The following MACROD2 variants were observed in gnomAD, a reference collection of about 807,000 sequenced individuals.
MACROD2 encodes mono-ADP ribosylhydrolase 2, also known as ADP-ribose glycohydrolase MACROD2.
In MACROD2, 36 loss-of-function variants were observed where a neutral mutation model predicts 70.4. The ratio of observed to expected loss-of-function variants is 0.51; its 90% confidence interval spans 0.39 to 0.68. MACROD2 has a LOEUF of 0.68. MACROD2 is among the 30% of genes least tolerant of loss of function. The probability of loss-of-function intolerance (pLI) is 0.00; values close to 1 mark genes in which losing one functional copy is unlikely to be tolerated. For missense variants in MACROD2, 496 were observed against 538.4 expected (o/e 0.92, Z 0.78); for synonymous variants, 172 against 178.8 (o/e 0.96, Z 0.30).
chr20:16,041,198 C>T lies in MACROD2; in HGVS notation c.1154-3C>T. On this transcript the variant is annotated splice_region_variant and splice_polypyrimidine_tract_variant and intron_variant, in intron 15 of 17. Transcript: ENST00000684519. ...CAGGGACTGTGGTCTTTTTCTCTTCCAGCTCCAGGCGAGGACACACCTAGG... is the reference window on the plus strand; with the variant it reads ...CAGGGACTGTGGTCTTTTTCTCTTCTAGCTCCAGGCGAGGACACACCTAGG... The T allele has an allele frequency of 6.2e-7, 1 of 1,610,388 alleles. No homozygotes were observed. The highest frequency in any genetic ancestry group is 8.5e-7 in the Non-Finnish European group (1 of 1,178,166).
At chr20:14,964,389 G>A (rs987612889) in intron 5 of MACROD2, among the ~76,000 whole-genome samples, 1 of 151,886 alleles carries the variant, frequency 6.6e-6, no homozygotes, top group Non-Finnish European at 1.5e-5. Flanking sequence ...TGGCTAACAC[G>A]GTGAAACCCC....
chr20:14,589,164 CTT>C (rs1981591115), intron 4 of MACROD2, among the ~76,000 whole-genome samples: 1 of 151,900 alleles, frequency 6.6e-6, no homozygotes, highest in South Asian at 2.1e-4. Flanking sequence ...GGATTTTTCT[CTT>C]GTTTTATGTA....
chr20:14,351,341 T>C (rs1398362381), intron 3 of MACROD2, among the ~76,000 whole-genome samples: 7 of 152,198 alleles, frequency 4.6e-5, no homozygotes, highest in East Asian at 1.9e-4. Context: ...CTGGGTGGTA[T>C]GGATATTTTA....
At chr20:14,414,240 T>C (rs34085437) in intron 3 of MACROD2, among the ~76,000 whole-genome samples, 23,326 of 152,144 alleles carry the variant, frequency 0.15, 2,504 homozygotes, top group Non-Finnish European at 0.23. Flanking sequence ...CCTGACCTGC[T>C]CCAAACCTGC....
chr20:15,080,675 G>A (rs750809222), intron 5 of MACROD2, among the ~76,000 whole-genome samples: 1 of 152,046 alleles, frequency 6.6e-6, no homozygotes, highest in Non-Finnish European at 1.5e-5. Flanking sequence ...CTGTGTTCCA[G>A]ACTCATTCAT....
intron 5 of MACROD2, among the ~76,000 whole-genome samples, chr20:14,887,875 A>C (rs1451361610): frequency 6.6e-6 from 1 of 152,038 alleles, no homozygotes; most frequent in African/African-American, 2.4e-5. Context: ...AAAAAAAAAA[A>C]AAACCTGTGT....
intron 5 of MACROD2, among the ~76,000 whole-genome samples, chr20:15,136,501 C>T (rs1248984578): frequency 6.6e-6 from 1 of 152,170 alleles, no homozygotes; most frequent in African/African-American, 2.4e-5. Flanking sequence ...GGAAAACTGG[C>T]TAGCCATATG....
intron 6 of MACROD2, among the ~76,000 whole-genome samples, chr20:15,354,016 T>C (rs375277736): frequency 1.4e-5 from 2 of 147,676 alleles, no homozygotes; most frequent in Non-Finnish European, 3.0e-5. Context: ...ACCCAAAGGA[T>C]TATAAAACAT....
intron 8 of MACROD2, among the ~76,000 whole-genome samples, chr20:15,827,551 C>T (rs2064010479): frequency 6.6e-6 from 1 of 152,106 alleles, no homozygotes; most frequent in South Asian, 2.1e-4. Context: ...GAAAAAAATG[C>T]TATGTTTACG....
chr20:15,026,803 C>T (rs756912443), intron 5 of MACROD2, among the ~76,000 whole-genome samples: 6 of 152,144 alleles, frequency 3.9e-5, no homozygotes, highest in Non-Finnish European at 4.4e-5. Context: ...GCATTCAGAG[C>T]CAAGCTCATC....
Position 14,009,983 on chromosome 20 carries a change from G to T in MACROD2, c.163+7579G>T, listed in dbSNP as rs534942262. ...CTGGGCCTGTCAGAAGGTAAGGATG[G>T]GAGGAGTGAGAGCATCAGGAAGAAT... On this transcript the variant is annotated intron_variant, in intron 2 of 17. Transcript: ENST00000684519. Among the ~76,000 whole-genome samples the T allele has an allele frequency of 4.0e-4, 61 of 152,250 alleles. No individual in the cohort carries two copies. The South Asian group carries it at 7.9e-3, about 20-fold the overall frequency.
At chr20:14,772,360 TG>T (rs1348631331) in intron 5 of MACROD2, among the ~76,000 whole-genome samples, 1 of 152,000 alleles carries the variant, frequency 6.6e-6, no homozygotes, top group African/African-American at 2.4e-5. Context: ...TACCCGAGAC[TG>T]GGAAGTTTAT....
Position 14,824,250 on chromosome 20 carries a change from G to A in MACROD2, c.418+139291G>A, listed in dbSNP as rs192881790. The stretch of plus-strand genomic sequence containing the variant: ...CTCAGAAAATACTTGGCTAGTCATG[G>A]TATTGCATACTGTAGCTTCTTTAAA... On this transcript the variant is annotated intron_variant, in intron 5 of 17. Coordinates refer to ENST00000684519, the MANE Select transcript of MACROD2 (RefSeq NM_001351661.2). Among the ~76,000 whole-genome samples, 179 of 152,180 alleles carry A rather than the reference G, an allele frequency of 1.2e-3. 2 individuals carry two copies. The highest frequency in any genetic ancestry group is 4.0e-3 in the African/African-American group (168 of 41,528).
chr20:14,829,266 A>T (rs151275150), intron 5 of MACROD2, among the ~76,000 whole-genome samples: 10,326 of 150,988 alleles, frequency 0.068, 498 homozygotes, highest in East Asian at 0.21. Context: ...AGTAGCTGGG[A>T]CTACAGGTGC....
chr20:14,052,151 T>A (rs2053575644), intron 2 of MACROD2: 1 of 300,626 alleles, frequency 3.3e-6, no homozygotes, highest in African/African-American at 2.2e-5. Flanking sequence ...AGTGGCCTTC[T>A]TTTCCAAGGG....
chr20:15,798,937 G>A (rs1421149259), intron 8 of MACROD2, among the ~76,000 whole-genome samples: 3 of 152,138 alleles, frequency 2.0e-5, no homozygotes, highest in Admixed American at 6.5e-5. Context: ...CTAGGTTTTC[G>A]GGGATAGAAT....
At chr20:15,592,806 G>A (rs1271381939) in intron 8 of MACROD2, among the ~76,000 whole-genome samples, 2 of 152,180 alleles carry the variant, frequency 1.3e-5, no homozygotes, top group African/African-American at 4.8e-5. Context: ...AATAACTGGA[G>A]AGTGGTGAAA....
At chr20:15,805,850 G>A (rs2063764852) in intron 8 of MACROD2, among the ~76,000 whole-genome samples, 1 of 152,212 alleles carries the variant, frequency 6.6e-6, no homozygotes, top group African/African-American at 2.4e-5. Flanking sequence ...GGTAATGGAG[G>A]AGCAAAGAGG....
intron 12 of MACROD2, among the ~76,000 whole-genome samples, chr20:15,956,940 T>A (rs117501451): frequency 3.9e-5 from 6 of 152,352 alleles, no homozygotes; most frequent in Admixed American, 2.0e-4. Context: ...TCTGCTGATG[T>A]GGCCAGCCTT....
Sources: allele counts gnomAD v4.1 joint callset (sites outside exome capture counted in the v4.1 genomes callset), GRCh38; gene constraint gnomAD v4.1.1; transcripts MANE v1.5; gene names NCBI Gene and HGNC (gene_info 2026-07-23, HGNC 2026-07-21).